Variants in PRDM11 observed in about 807,000 individuals in gnomAD.
PRDM11 encodes the protein PR domain-containing protein 11.
A neutral mutation model predicts 97.8 loss-of-function variants in PRDM11; 20 were observed. That is an observed-to-expected ratio of 0.20 (90% CI 0.14 to 0.30). The LOEUF (loss-of-function observed/expected upper bound fraction) is 0.30, where lower values mean the gene tolerates loss of function less well. PRDM11 is among the 10% of genes least tolerant of loss of function. The pLI is 1.00. For synonymous variants in PRDM11, 599 were observed against 637.7 expected, an observed-to-expected ratio of 0.94 and a Z score of 0.91; for missense variants, 1,139 against 1,555.2, an observed-to-expected ratio of 0.73 and a Z score of 4.50.
At chr11:45,096,662 C>T (rs545214487) in intron 1 of PRDM11, among the ~76,000 whole-genome samples, 73 of 152,308 alleles carry the variant, frequency 4.8e-4, no homozygotes, top group East Asian at 1.9e-4. Context: ...CAACTCTGCA[C>T]CACCTCCCAA....
rs1375763458 is a variant in PRDM11, at chr11:45,101,562, A to AG, written c.96+5661_96+5662insG. 2.0e-3 allele frequency among the ~76,000 whole-genome samples: 276 copies of AG among 139,930 alleles called. 9 individuals carry two copies. The highest frequency in any genetic ancestry group is 7.1e-3 in the African/African-American group (260 of 36,448). The allele number at this position is 139,930 out of a possible 152,430, so 91.8% of individuals were successfully genotyped here. On this transcript the variant is annotated intron_variant, in intron 1 of 6. Transcript: ENST00000530656. ...CAGAGCAACACTCTGTCTCAAAAAAAAAAAAAAGAAGAAGAAGAAGAAGAA... is the reference window on the plus strand; with the variant it reads ...CAGAGCAACACTCTGTCTCAAAAAAAGAAAAAAAGAAGAAGAAGAAGAAGAA...
chr11:45,223,808 G>C (rs907458593), intron 6 of PRDM11, among the ~76,000 whole-genome samples: 4 of 152,148 alleles, frequency 2.6e-5, no homozygotes, highest in African/African-American at 4.8e-5. Context: ...CATTGCTAGG[G>C]CTGAGGGGAA....
chr11:45,111,717 G>A lies in PRDM11; in HGVS notation c.96+15816G>A, dbSNP rs149632704. On this transcript the variant is annotated intron_variant, in intron 1 of 6. Coordinates refer to the PRDM11 transcript ENST00000530656. Reference sequence around the variant, plus strand: ...CCTCCGGGCTCTGTCGATTTGAAAGGTTTTGTTCCCGAGGGAGAAATGCTT... The same window carrying A: ...CCTCCGGGCTCTGTCGATTTGAAAGATTTTGTTCCCGAGGGAGAAATGCTT... 8.5e-4 allele frequency among the ~76,000 whole-genome samples: 129 copies of A among 152,232 alleles called. 3 individuals are homozygous for A. In the East Asian group the frequency reaches 0.017, roughly 20 times the overall value.
chr11:45,200,977 T>C (rs552370746), intron 4 of PRDM11, among the ~76,000 whole-genome samples: 31 of 152,330 alleles, frequency 2.0e-4, no homozygotes, highest in Admixed American at 7.8e-4. Context: ...TGCTGGTAGA[T>C]GTTTACAACT....
At chr11:45,153,628 A>T (rs527433991) in intron 1 of PRDM11, among the ~76,000 whole-genome samples, 1 of 152,320 alleles carries the variant, frequency 6.6e-6, no homozygotes, top group East Asian at 1.9e-4. Context: ...CTTAAAGGTG[A>T]TCTGGCCACA....
chr11:45,094,948 C>T (rs998382882), upstream of PRDM11, among the ~76,000 whole-genome samples: 1 of 151,988 alleles, frequency 6.6e-6, no homozygotes, highest in Non-Finnish European at 1.5e-5. Flanking sequence ...GAGACACTGG[C>T]AGCTCAGTAC....
At chr11:45,160,882 GC>G (rs1304407744) in intron 1 of PRDM11, among the ~76,000 whole-genome samples, 1 of 152,214 alleles carries the variant, frequency 6.6e-6, no homozygotes, top group Non-Finnish European at 1.5e-5. Flanking sequence ...GCCCCTGCTA[GC>G]CCTCAGAGAG....
At chr11:45,198,205 C>T (rs1393553886) in intron 4 of PRDM11, among the ~76,000 whole-genome samples, 4 of 152,212 alleles carry the variant, frequency 2.6e-5, no homozygotes, top group African/African-American at 9.6e-5. Flanking sequence ...TTCCCAGACA[C>T]CAGGTTAGAA....
intron 1 of PRDM11, among the ~76,000 whole-genome samples, chr11:45,099,664 T>C (rs1565218307): frequency 1.3e-5 from 2 of 152,160 alleles, no homozygotes; most frequent in Non-Finnish European, 2.9e-5. Context: ...AATCACATCA[T>C]GGAGAGTGGG....
At chr11:45,180,546 C>T (rs974925703) in intron 1 of PRDM11, among the ~76,000 whole-genome samples, 3 of 151,660 alleles carry the variant, frequency 2.0e-5, no homozygotes, top group African/African-American at 7.2e-5. Context: ...CCTCTCCCAC[C>T]GCCCCGCCCG....
At chr11:45,177,361 C>G (rs181695911) in intron 1 of PRDM11, among the ~76,000 whole-genome samples, 2 of 152,246 alleles carry the variant, frequency 1.3e-5, no homozygotes, top group East Asian at 1.9e-4. Context: ...TGCCGACCCC[C>G]CTTCCCCCAA....
chr11:45,225,027 C>T, intron 7 of PRDM11, 184 bp downstream of exon 7: 5 of 1,452,836 alleles, frequency 3.4e-6, no homozygotes, highest in Non-Finnish European at 4.5e-6. Context: ...ATCGGCAGCT[C>T]TGCCAGGTGC....
chr11:45,224,842 A>C lies in PRDM11; in HGVS notation c.1368A>C (p.Ala456=). ...AGCTCCCAGAGTTCTCGGACCCTGC[A>C]GGTAAGTTGGTTTGGATGAGATTAT... ...VLELPEFSDP[A]ASESMVSGPA... is the part of the protein sequence containing the mutation. Residue 456 remains alanine, a splice_region_variant and synonymous_variant, in exon 7 of 8, where the codon GCA becomes GCC. Coordinates refer to ENST00000683152, the MANE Select transcript of PRDM11 (RefSeq NM_001384648.1). 1 of 1,613,656 alleles carries C rather than the reference A, an allele frequency of 6.2e-7. No individual in the cohort carries two copies. The highest frequency in any genetic ancestry group is 8.5e-7 in the Non-Finnish European group (1 of 1,180,016).
At chr11:45,210,063 G>A (rs1056669242) in intron 5 of PRDM11, among the ~76,000 whole-genome samples, 2 of 152,226 alleles carry the variant, frequency 1.3e-5, no homozygotes, top group East Asian at 1.9e-4. Flanking sequence ...GTAGCAGCGC[G>A]GGGGAGGGGG....
intron 1 of PRDM11, among the ~76,000 whole-genome samples, chr11:45,103,660 A>C (rs1047452241): frequency 5.0e-4 from 75 of 151,400 alleles, no homozygotes; most frequent in African/African-American, 1.8e-3. Context: ...GGTTTTAAAA[A>C]GTCATTGAGT....
At chr11:45,181,128 C>T (rs1308432925) in intron 1 of PRDM11, among the ~76,000 whole-genome samples, 4 of 152,200 alleles carry the variant, frequency 2.6e-5, no homozygotes, top group South Asian at 2.1e-4. Flanking sequence ...CCCCGGGGTG[C>T]CGAGGGAGGG....
chr11:45,124,461 A>G (rs2135634119), intron 1 of PRDM11, among the ~76,000 whole-genome samples: 1 of 152,208 alleles, frequency 6.6e-6, no homozygotes, highest in African/African-American at 2.4e-5. Flanking sequence ...CCCATTCAGT[A>G]TGATATTGGC....
In PRDM11 at chr11:45,226,764, C is replaced by G. The variant is rs1854284653; in HGVS notation, c.2139C>G (p.Phe713Leu). 6.5e-7 allele frequency: 1 copy of G among 1,533,998 alleles called. No homozygotes were observed. The highest frequency in any genetic ancestry group is 1.4e-5 in the African/African-American group (1 of 73,108). Reference protein sequence around the residue: ...ESYLQALDRAFSALGIRLQDE... With the variant: ...ESYLQALDRALSALGIRLQDE... ...ATCTCCAGGCACTTGACCGGGCCTT[C>G]TCGGCCTTGGGCATCCGGTTGCAGG... Residue 713 changes from phenylalanine to leucine, a missense_variant, in exon 8 of 8, where the codon TTC becomes TTG. By Grantham distance (22) the Phe-to-Leu change is conservative. This residue lies in a region of PRDM11 where 710 missense variants were observed against 1,044.9 expected (regional missense o/e 0.68). Coordinates refer to ENST00000683152, the MANE Select transcript of PRDM11 (RefSeq NM_001384648.1).
At chr11:45,202,404 T>C (rs769481362) in intron 4 of PRDM11, among the ~76,000 whole-genome samples, 10 of 152,206 alleles carry the variant, frequency 6.6e-5, no homozygotes, top group Admixed American at 5.9e-4. Context: ...GGATGAGGTA[T>C]GGCCAGGAAG....
Sources: allele counts gnomAD v4.1 joint callset (sites outside exome capture counted in the v4.1 genomes callset), GRCh38; gene constraint gnomAD v4.1.1; regional missense constraint gnomAD v4.1.1; transcripts MANE v1.5; gene names NCBI Gene and HGNC (gene_info 2026-07-23, HGNC 2026-07-21).